Variants in TMEM79 observed in about 807,000 individuals in gnomAD.
TMEM79 encodes mattrin.
In TMEM79, 30 loss-of-function variants were observed where a neutral mutation model predicts 31.2. That is an observed-to-expected ratio of 0.96 (90% CI 0.72 to 1.30). TMEM79 has a LOEUF of 1.30. Ranked by LOEUF, TMEM79 falls within the 50% of genes most tolerant of loss-of-function variation. The pLI, the probability that TMEM79 is intolerant of heterozygous loss-of-function variation, is 0.00. For synonymous variants in TMEM79, 213 were observed against 229.5 expected, an observed-to-expected ratio of 0.93 and a Z score of 0.65; for missense variants, 509 against 528.2, an observed-to-expected ratio of 0.96 and a Z score of 0.36.
Position 156,291,796 on chromosome 1 carries a change from A to G in TMEM79, c.*198A>G, listed in dbSNP as rs1332000130. On this transcript the variant is annotated 3_prime_UTR_variant, in exon 4 of 4. Transcript: ENST00000405535. ...GCCCTTCACCTTTGGGGCCCGAGACAGTCATAAGGGATGGACTTAGTTTTC... is the reference window on the plus strand; with the variant it reads ...GCCCTTCACCTTTGGGGCCCGAGACGGTCATAAGGGATGGACTTAGTTTTC... 4.9e-6 allele frequency: 3 copies of G among 606,400 alleles called. No individual in the cohort carries two copies. The highest frequency in any genetic ancestry group is 5.5e-5 in the East Asian group (2 of 36,360). 37.6% of individuals were successfully genotyped at this position (606,400 alleles called of 1,614,324 possible). A position where few individuals can be genotyped will look rare whatever the true frequency, so the allele number is the denominator to read the frequency against.
At position 156,285,730 on chromosome 1, in the gene TMEM79, C is replaced by T; in HGVS notation, c.504C>T (p.Asp168=). 2 of 1,613,222 alleles carry T rather than the reference C, an allele frequency of 1.2e-6. No homozygotes were observed. The highest frequency in any genetic ancestry group is 8.5e-7 in the Non-Finnish European group (1 of 1,180,016). ...TFMPPRVTHP[D]PTERKWAEAV... ...TGCCCCCCCGGGTCACCCACCCCGACCCCACTGAGCGCAAGTGGGCTGAGG... is the reference window on the plus strand; with the variant it reads ...TGCCCCCCCGGGTCACCCACCCCGATCCCACTGAGCGCAAGTGGGCTGAGG... Residue 168 remains aspartate, a synonymous_variant, in exon 2 of 4, where the codon GAC becomes GAT. Transcript: ENST00000405535.
Position 156,286,410 on chromosome 1 carries a change from C to G in TMEM79, c.908C>G (p.Thr303Ser), listed in dbSNP as rs1410874806. ...LYFFNLAVLS[T>S]YLPQDTLKLL... ...TTCTTCAACCTGGCCGTGCTTTCCA[C>G]TTACCTGCCCCAGGATACCCTCAAA... Residue 303 changes from threonine (T) to serine (S), a missense_variant, in exon 3 of 4, where the codon ACT becomes AGT. Coordinates refer to ENST00000405535, the MANE Select transcript of TMEM79 (RefSeq NM_032323.3). 6.2e-7 allele frequency: 1 copy of G among 1,614,100 alleles called. No individual in the cohort carries two copies. Among genetic ancestry groups the G allele is most frequent in the Non-Finnish European group, 8.5e-7 (1 of 1,180,042 alleles).
Position 156,291,497 on chromosome 1 carries a change from G to A in TMEM79, c.1084G>A (p.Val362Met), listed in dbSNP as rs778074000. ...MLMWNLYYMF[V>M]VEPERMLTAT... ...GATGTGGAACCTCTACTACATGTTC[G>A]TGGTGGAGCCGGAGCGCATGCTCAC... The change falls in exon 4 of 4, where the codon GTG (valine) becomes ATG (methionine). Residue 362 changes from valine (V) to methionine (M), a missense_variant. Coordinates refer to ENST00000405535, the MANE Select transcript of TMEM79 (RefSeq NM_032323.3). 1.2e-6 allele frequency: 2 copies of A among 1,612,804 alleles called. No homozygotes were observed. The highest frequency in any genetic ancestry group is 1.7e-6 in the Non-Finnish European group (2 of 1,180,026).
chr1:156,288,155 GC>G (rs1558252297), intron 3 of TMEM79, among the ~76,000 whole-genome samples: 1 of 146,604 alleles, frequency 6.8e-6, no homozygotes, highest in African/African-American at 2.5e-5. Flanking sequence ...CCGAGATAGC[GC>G]CACTGCAGTC....
chr1:156,284,900 G>A (rs1278668285), intron 1 of TMEM79, among the ~76,000 whole-genome samples: 1 of 152,162 alleles, frequency 6.6e-6, no homozygotes. Flanking sequence ...AGAAGGCGTG[G>A]GTGGAGGCTG....
chr1:156,286,601 G>T lies in TMEM79; in HGVS notation c.971+128G>T. The T allele has an allele frequency of 1.1e-6, 1 of 906,118 alleles. No individual in the cohort carries two copies. The allele number at this position is 906,118 out of a possible 1,614,324, so 56.1% of individuals were successfully genotyped here. ...CACTGGCCCAAATGTGTGCCCTGGGGAGATAAGTCCACCTTCTCTCTTGCA... is the reference window on the plus strand; with the variant it reads ...CACTGGCCCAAATGTGTGCCCTGGGTAGATAAGTCCACCTTCTCTCTTGCA... On this transcript the variant is annotated intron_variant, in intron 3 of 3. Coordinates refer to ENST00000405535, the MANE Select transcript of TMEM79 (RefSeq NM_032323.3).
At chr1:156,284,951 C>A (rs183024186) in intron 1 of TMEM79, among the ~76,000 whole-genome samples, 5 of 152,222 alleles carry the variant, frequency 3.3e-5, no homozygotes, top group African/African-American at 9.6e-5. Flanking sequence ...CCTTGACTCA[C>A]CCTCTCCTGT....
intron 3 of TMEM79, among the ~76,000 whole-genome samples, chr1:156,288,930 A>G (rs1663242324): frequency 1.3e-5 from 2 of 152,228 alleles, no homozygotes; most frequent in African/African-American, 4.8e-5. Flanking sequence ...AGGAAGACTC[A>G]GTGATTGTCT....
chr1:156,284,589 C>G (rs1376278792), intron 1 of TMEM79, among the ~76,000 whole-genome samples, 183 bp downstream of exon 1: 1 of 152,132 alleles, frequency 6.6e-6, no homozygotes, highest in Non-Finnish European at 1.5e-5. Flanking sequence ...CCAGGCCCTG[C>G]AGAGATGGAT....
At position 156,285,577 on chromosome 1, in the gene TMEM79, T is replaced by C. The variant is rs1368831743; in HGVS notation, c.351T>C (p.Asp117=). ...AGCTAGAGGAGCTGCCCGAAGACGA[T>C]GCCAACCTGCTGCCTGAGAAAGCGG... ...LTKLEELPED[D]ANLLPEKAAR... Residue 117 remains aspartate (D), a synonymous_variant, in exon 2 of 4, where the codon GAT becomes GAC. Coordinates refer to ENST00000405535, the MANE Select transcript of TMEM79 (RefSeq NM_032323.3). The C allele has an allele frequency of 3.7e-6, 6 of 1,614,220 alleles. No individual in the cohort carries two copies. The South Asian group carries it at 4.4e-5, about 12-fold the overall frequency.
Position 156,291,538 on chromosome 1 carries a change from C to A in TMEM79, c.1125C>A (p.Arg375=), listed in dbSNP as rs760839654. The A allele has an allele frequency of 6.2e-6, 10 of 1,610,238 alleles. No individual in the cohort carries two copies. The highest frequency in any genetic ancestry group is 1.6e-4 in the Middle Eastern group (1 of 6,084). Residue 375 remains arginine, a synonymous_variant, in exon 4 of 4, where the codon CGC becomes CGA. Coordinates refer to ENST00000405535, the MANE Select transcript of TMEM79 (RefSeq NM_032323.3). ...GCATGCTCACTGCCACCGAGAGCCG[C>A]CTGGACTACCCGGACCACGCCCGCT... ...PERMLTATES[R]LDYPDHARSA... is the part of the protein sequence containing the mutation.
intron 3 of TMEM79, chr1:156,291,038 T>C: frequency 3.9e-6 from 1 of 256,868 alleles, no homozygotes; most frequent in Non-Finnish European, 7.6e-6. Context: ...TACTCAGGAG[T>C]CTGAGGTGAG....
At chr1:156,287,948 C>T (rs1482615872) in intron 3 of TMEM79, among the ~76,000 whole-genome samples, 1 of 151,882 alleles carries the variant, frequency 6.6e-6, no homozygotes, top group Admixed American at 6.6e-5. Context: ...ACTTTGCCAT[C>T]ACCTAAAATC....
In TMEM79 at chr1:156,291,816, G is replaced by C. The variant is rs1397979822; in HGVS notation, c.*218G>C. On this transcript the variant is annotated 3_prime_UTR_variant, in exon 4 of 4. Coordinates refer to ENST00000405535, the MANE Select transcript of TMEM79 (RefSeq NM_032323.3). ...GAGACAGTCATAAGGGATGGACTTA[G>C]TTTTCTTGCAGGGAAAAAGGTGGAC... 1.7e-6 allele frequency: 1 copy of C among 599,658 alleles called. No homozygotes were observed. The highest frequency in any genetic ancestry group is 3.0e-6 in the Non-Finnish European group (1 of 336,278). The allele number at this position is 599,658 out of a possible 1,614,324, so 37.1% of individuals were successfully genotyped here.
At position 156,291,756 on chromosome 1, in the gene TMEM79, C is replaced by T; in HGVS notation, c.*158C>T. 1 of 660,466 alleles carries T rather than the reference C, an allele frequency of 1.5e-6. No homozygotes were observed. Among genetic ancestry groups the T allele is most frequent in the Non-Finnish European group, 2.6e-6 (1 of 380,122 alleles). 40.9% of individuals were successfully genotyped at this position (660,466 alleles called of 1,614,324 possible). A position where few individuals can be genotyped will look rare whatever the true frequency, so the allele number is the denominator to read the frequency against. On this transcript the variant is annotated 3_prime_UTR_variant, in exon 4 of 4. Coordinates refer to ENST00000405535, the MANE Select transcript of TMEM79 (RefSeq NM_032323.3). ...AGGGACTCCAATCAATCGGAGTTCT[C>T]CCCTTGCCGGAGCTGCCCTTCACCT...
chr1:156,288,880 T>G (rs756937000), intron 3 of TMEM79, among the ~76,000 whole-genome samples: 1 of 152,194 alleles, frequency 6.6e-6, no homozygotes. Context: ...TGGTTTCAGA[T>G]AGAAGTTGGC....
chr1:156,287,762 G>A (rs1204278710), intron 3 of TMEM79, among the ~76,000 whole-genome samples: 1 of 151,752 alleles, frequency 6.6e-6, no homozygotes, highest in African/African-American at 2.4e-5. Flanking sequence ...GATTACAGGC[G>A]CCCACCACCA....
intron 3 of TMEM79, among the ~76,000 whole-genome samples, chr1:156,286,852 A>G (rs1663179335): frequency 6.6e-6 from 1 of 152,246 alleles, no homozygotes. Flanking sequence ...GGCTGGGTGC[A>G]GTGGCTCATG....
Position 156,285,180 on chromosome 1 carries a change from G to T in TMEM79, c.-43-4G>T. ...CTGACAGAGCTTTCCTCTGTTCCCT[G>T]CAGGATGACATGACCTTGTGGTAGA... On this transcript the variant is annotated splice_polypyrimidine_tract_variant and splice_region_variant and intron_variant, in intron 1 of 3. Transcript: ENST00000405535. 1 of 1,512,492 alleles carries T rather than the reference G, an allele frequency of 6.6e-7. No homozygotes were observed. The highest frequency in any genetic ancestry group is 8.8e-7 in the Non-Finnish European group (1 of 1,131,968). 93.7% of individuals were successfully genotyped at this position (1,512,492 alleles called of 1,614,324 possible). A position where few individuals can be genotyped will look rare whatever the true frequency, so the allele number is the denominator to read the frequency against.
Sources: allele counts gnomAD v4.1 joint callset (sites outside exome capture counted in the v4.1 genomes callset), GRCh38; gene constraint gnomAD v4.1.1; transcripts MANE v1.5; gene names NCBI Gene and HGNC (gene_info 2026-07-23, HGNC 2026-07-21).